The following PACRGL variants were observed in gnomAD, a reference collection of about 807,000 sequenced individuals.
PACRGL encodes the protein parkin coregulated like.
PACRGL carries 38 observed loss-of-function variants against 34.5 expected under a neutral mutation model. The observed-to-expected ratio is 1.10, with a 90% CI of 0.85 to 1.44. PACRGL has a LOEUF of 1.44. PACRGL is among the 40% of genes most tolerant of loss of function. PACRGL has a pLI of 0.00. For missense variants in PACRGL, 305 were observed against 281.4 expected, an observed-to-expected ratio of 1.08 and a Z score of -0.60; for synonymous variants, 128 against 100.1, an observed-to-expected ratio of 1.28 and a Z score of -1.66.
chr4:20,708,942 C>T (rs1455939062), intron 4 of PACRGL, among the ~76,000 whole-genome samples: 2 of 148,004 alleles, frequency 1.4e-5, no homozygotes, highest in African/African-American at 2.5e-5. Flanking sequence ...GCCTGACCAA[C>T]ATGGAGGAAC....
chr4:20,732,655 C>T (rs1748612599), downstream of PACRGL: 3 of 1,470,246 alleles, frequency 2.0e-6, no homozygotes, highest in Non-Finnish European at 2.9e-6. Flanking sequence ...ACTTCATGCC[C>T]TCTTGACTTC....
At chr4:20,705,036 G>A (rs958696624) in intron 3 of PACRGL, among the ~76,000 whole-genome samples, 2 of 152,100 alleles carry the variant, frequency 1.3e-5, no homozygotes, top group South Asian at 2.1e-4. Context: ...TTGGGATATC[G>A]CATTGTAGTG....
intron 8 of PACRGL, among the ~76,000 whole-genome samples, chr4:20,742,743 G>T (rs982455960): frequency 1.3e-5 from 2 of 152,054 alleles, no homozygotes; most frequent in African/African-American, 4.8e-5. Context: ...GGAAATAAAG[G>T]GTATTCAATT....
intron 8 of PACRGL, among the ~76,000 whole-genome samples, chr4:20,748,920 AATAC>A (rs1409363480): frequency 3.1e-4 from 46 of 148,724 alleles, no homozygotes; most frequent in African/African-American, 1.1e-3. Context: ...ATATATATGA[AATAC>A]ATATATAAGC....
At chr4:20,760,048 G>T in the PACRGL span, among the ~76,000 whole-genome samples, 1 of 152,216 alleles carries the variant, frequency 6.6e-6, no homozygotes, top group East Asian at 1.9e-4. Context: ...AAATTCAGAG[G>T]GGCGACTATA....
At chr4:20,720,476 C>A (rs1391861270) in intron 7 of PACRGL, among the ~76,000 whole-genome samples, 1 of 152,134 alleles carries the variant, frequency 6.6e-6, no homozygotes, top group African/African-American at 2.4e-5. Flanking sequence ...ACAGGTTGTT[C>A]CTTTCCATGT....
downstream of PACRGL, among the ~76,000 whole-genome samples, chr4:20,756,647 G>A (rs562299296): frequency 4.0e-5 from 6 of 151,724 alleles, no homozygotes; most frequent in Middle Eastern, 3.4e-3. Flanking sequence ...CTGCTTGTGC[G>A]CTCCACTCCC....
At chr4:20,755,741 C>T (rs1377454787), downstream of PACRGL, among the ~76,000 whole-genome samples, 3 of 151,848 alleles carry the variant, frequency 2.0e-5, no homozygotes, top group Admixed American at 6.6e-5. Flanking sequence ...GTGGCATTGG[C>T]GTAAATGCAA....
At chr4:20,716,228 T>C in intron 7 of PACRGL, 1 of 850,578 alleles carries the variant, frequency 1.2e-6, no homozygotes, top group Non-Finnish European at 1.9e-6. Flanking sequence ...ACACAAAAAA[T>C]AAAGATTAAA....
rs1224684531 is a variant in PACRGL, at chr4:20,729,436, GTT to G, written c.*2098_*2099del. ...GAAAATTAAATGCTTATTAAAATAA[GTT>G]TTATTAGGCATATGCTGATATCTGA... is the stretch of plus-strand genomic sequence containing the variant. On this transcript the variant is annotated 3_prime_UTR_variant, in exon 9 of 9. Coordinates refer to ENST00000503585, the MANE Select transcript of PACRGL (RefSeq NM_001258345.3). The G allele has an allele frequency of 1.3e-5, 2 of 149,766 alleles. No individual in the cohort carries two copies. The highest frequency in any genetic ancestry group is 3.0e-5 in the Non-Finnish European group (2 of 67,322). The allele number at this position is 149,766 out of a possible 1,614,324, so 9.3% of individuals were successfully genotyped here.
rs115875934 is a variant in PACRGL, at chr4:20,727,883, G to C, written c.*542G>C. The C allele has an allele frequency of 3.2e-3, 486 of 152,820 alleles. 1 individual carries two copies. Among genetic ancestry groups the C allele is most frequent in the Middle Eastern group, 0.017 (5 of 292 alleles). The allele number at this position is 152,820 out of a possible 1,614,324, so 9.5% of individuals were successfully genotyped here. A position where few individuals can be genotyped will look rare whatever the true frequency, so the allele number is the denominator to read the frequency against. ...CTCACCGCAAGCCTCAAATTTTTGT[G>C]CTCAGATGATCCTTTTCATCTCAGC... is the stretch of plus-strand genomic sequence containing the variant. On this transcript the variant is annotated 3_prime_UTR_variant, in exon 9 of 9. Coordinates refer to ENST00000503585, the MANE Select transcript of PACRGL (RefSeq NM_001258345.3).
rs773273325 is a variant in PACRGL, at chr4:20,712,847, A to G, written c.426A>G (p.Leu142=). The G allele has an allele frequency of 6.9e-6, 11 of 1,604,916 alleles. No individual in the cohort carries two copies. The African/African-American group carries it at 1.5e-4, about 21-fold the overall frequency. Residue 142 remains leucine, a synonymous_variant, in exon 6 of 9, where the codon TTA becomes TTG. Coordinates refer to ENST00000503585, the MANE Select transcript of PACRGL (RefSeq NM_001258345.3). ...TFVSKEGFRE[L]LLVKGAPEKA... is the part of the protein sequence containing the mutation. ...TGTCAAAGGAGGGTTTTAGAGAATT[A>G]CTTTTGGTCAAAGGTGCTCCTGAAA...
At chr4:20,713,098 A>G in intron 6 of PACRGL, 176 bp downstream of exon 6, 1 of 623,342 alleles carries the variant, frequency 1.6e-6, no homozygotes, top group Non-Finnish European at 2.5e-6. Flanking sequence ...CCAGATAACT[A>G]CATACTTGAA....
chr4:20,707,295 C>CT (rs1327284361), intron 3 of PACRGL, among the ~76,000 whole-genome samples: 1 of 152,118 alleles, frequency 6.6e-6, no homozygotes, highest in Non-Finnish European at 1.5e-5. Flanking sequence ...AGTTATATAT[C>CT]TAAGAAAATA....
At chr4:20,743,613 A>G (rs538131570) in intron 8 of PACRGL, among the ~76,000 whole-genome samples, 2,568 of 152,326 alleles carry the variant, frequency 0.017, 66 homozygotes, top group African/African-American at 0.059. Flanking sequence ...TTATACAAAA[A>G]TTAATTCAAG....
intron 4 of PACRGL, among the ~76,000 whole-genome samples, chr4:20,708,923 T>G (rs1352354639): frequency 6.6e-6 from 1 of 151,304 alleles, no homozygotes; most frequent in Non-Finnish European, 1.5e-5. Context: ...GGTCAGGAGT[T>G]CGAGACCAGC....
intron 8 of PACRGL, among the ~76,000 whole-genome samples, chr4:20,726,862 T>A (rs1466556133): frequency 6.6e-6 from 1 of 152,184 alleles, no homozygotes; most frequent in Admixed American, 6.6e-5. Context: ...CTGATCTTTA[T>A]TGATTGTGTG....
intron 8 of PACRGL, chr4:20,749,680 A>G (rs756779365): frequency 1.9e-6 from 3 of 1,608,590 alleles, no homozygotes; most frequent in African/African-American, 2.7e-5. Context: ...TCACAGCTCC[A>G]TTGTGGTCTG....
chr4:20,703,851 A>G (rs934120468), intron 1 of PACRGL, among the ~76,000 whole-genome samples: 8 of 152,170 alleles, frequency 5.3e-5, no homozygotes, highest in African/African-American at 1.9e-4. Flanking sequence ...CACGTGTAGC[A>G]TTGAGTGTAG....
Sources: gnomAD v4.1 joint callset for allele counts (sites outside exome capture counted in the v4.1 genomes callset) on GRCh38, gnomAD v4.1.1 for gene constraint, MANE v1.5 for transcripts, NCBI Gene and HGNC (gene_info 2026-07-23, HGNC 2026-07-21) for gene names.